BCAR3: variants seen among roughly 807,000 people sequenced by gnomAD.
BCAR3 encodes the protein BCAR3 adaptor protein, NSP family member.
A neutral mutation model predicts 80.1 loss-of-function variants in BCAR3; 37 were observed. That is an observed-to-expected ratio of 0.46 (90% CI 0.36 to 0.61). The LOEUF (loss-of-function observed/expected upper bound fraction) is 0.61. Ranked by LOEUF, BCAR3 falls within the 20% of genes least tolerant of loss-of-function variation. The pLI is 0.00. For missense variants in BCAR3, 978 were observed against 1,068.2 expected (o/e 0.92, Z 1.18); for synonymous variants, 389 against 418.9 (o/e 0.93, Z 0.87).
At chr1:93,571,199 G>A (rs1209244877) in intron 9 of BCAR3, among the ~76,000 whole-genome samples, 3 of 141,812 alleles carry the variant, frequency 2.1e-5, no homozygotes, top group East Asian at 2.1e-4. Context: ...GCGAGACTTC[G>A]TTTAAAAAAA....
At chr1:93,617,865 G>A (rs569853678) in intron 3 of BCAR3, among the ~76,000 whole-genome samples, 11 of 152,312 alleles carry the variant, frequency 7.2e-5, no homozygotes, top group African/African-American at 2.6e-4. Context: ...GAGCAGTGTG[G>A]CAGGTGCCTG....
chr1:93,603,945 A>G (rs1039949900), intron 3 of BCAR3, among the ~76,000 whole-genome samples: 6 of 152,246 alleles, frequency 3.9e-5, no homozygotes, highest in Non-Finnish European at 7.3e-5. Flanking sequence ...AAAAATTTCA[A>G]TAAGTTTTAG....
intron 3 of BCAR3, among the ~76,000 whole-genome samples, chr1:93,694,136 G>A (rs771832151): frequency 4.6e-5 from 7 of 152,192 alleles, no homozygotes; most frequent in African/African-American, 7.2e-5. Flanking sequence ...CTCCACACCT[G>A]GTAGCTTCAG....
chr1:93,566,885 G>T (rs1040594359), intron 11 of BCAR3, among the ~76,000 whole-genome samples: 1 of 152,014 alleles, frequency 6.6e-6, no homozygotes, highest in Non-Finnish European at 1.5e-5. Context: ...ACACCATCAC[G>T]CCCAGCTAAT....
chr1:93,722,831 G>C (rs999759160), intron 2 of BCAR3, among the ~76,000 whole-genome samples: 2 of 152,128 alleles, frequency 1.3e-5, no homozygotes, highest in African/African-American at 4.8e-5. Context: ...CAGGAGCCAA[G>C]GGGGAGGGGA....
chr1:93,582,207 C>T, intron 7 of BCAR3, 94 bp downstream of exon 7: 2 of 1,474,736 alleles, frequency 1.4e-6, no homozygotes, highest in Non-Finnish European at 1.8e-6. Context: ...GGATCCCCTC[C>T]TTCCAAACCT....
rs1031843261 is a variant in BCAR3, at chr1:93,591,179, A to G, written c.486+1086T>C. ...GAAATCTACTACATTAAAAAAAAAA[A>G]AAAAAAAAAAAAAGCCTGGGCACAG... On this transcript the variant is annotated intron_variant, in intron 4 of 11. Transcript: ENST00000260502. Among the ~76,000 whole-genome samples, 11 of 148,804 alleles carry G rather than the reference A, an allele frequency of 7.4e-5. 1 individual carries two copies. Among genetic ancestry groups the G allele is most frequent in the African/African-American group, 2.7e-4 (11 of 40,482 alleles).
Position 93,571,807 on chromosome 1 carries a change from T to C in BCAR3, c.1837A>G (p.Ile613Val), listed in dbSNP as rs1410751012. 2 of 1,613,980 alleles carry C rather than the reference T, an allele frequency of 1.2e-6. No homozygotes were observed. The highest frequency in any genetic ancestry group is 1.3e-5 in the African/African-American group (1 of 74,916). ...TCCAAAGTGCCCGTGCATCCCAGAA[T>C]GTCCACTGCAATGCCGATGGCCATT... Reference protein sequence around the residue: ...NTMAIGIAVDILGCTGTLEDR... With the variant: ...NTMAIGIAVDVLGCTGTLEDR... Residue 613 changes from isoleucine (I) to valine (V), a missense_variant, in exon 9 of 12, where the codon ATT becomes GTT. Coordinates refer to ENST00000260502, the MANE Select transcript of BCAR3 (RefSeq NM_003567.4).
chr1:93,710,787 C>T (rs1004153989), intron 2 of BCAR3, among the ~76,000 whole-genome samples: 1 of 152,230 alleles, frequency 6.6e-6, no homozygotes, highest in Non-Finnish European at 1.5e-5. Context: ...CAAATTACCC[C>T]CAAACCTAGT....
chr1:93,606,721 T>G (rs566339962), intron 3 of BCAR3, among the ~76,000 whole-genome samples: 4 of 152,208 alleles, frequency 2.6e-5, no homozygotes, highest in Admixed American at 2.6e-4. Context: ...ATCCCAACTT[T>G]CACCAAACAG....
intron 2 of BCAR3, among the ~76,000 whole-genome samples, chr1:93,669,949 G>C (rs1207666262): frequency 2.6e-5 from 4 of 152,114 alleles, no homozygotes; most frequent in Non-Finnish European, 5.9e-5. Flanking sequence ...AGAGTGGGAG[G>C]GGAGCGAGGG....
chr1:93,786,995 C>T (rs1045366769), intron 2 of BCAR3, among the ~76,000 whole-genome samples: 1 of 152,212 alleles, frequency 6.6e-6, no homozygotes, highest in African/African-American at 2.4e-5. Context: ...ATTTTTCAGT[C>T]ACTTTCCAGA....
chr1:93,725,922 C>A (rs1228327571), intron 2 of BCAR3, among the ~76,000 whole-genome samples: 1 of 152,150 alleles, frequency 6.6e-6, no homozygotes, highest in African/African-American at 2.4e-5. Context: ...TATTTCTGGG[C>A]TCTCTATTCT....
chr1:93,759,435 C>T (rs1651855861), intron 2 of BCAR3, among the ~76,000 whole-genome samples: 2 of 152,168 alleles, frequency 1.3e-5, no homozygotes, highest in Admixed American at 1.3e-4. Flanking sequence ...GTCTGCCAGA[C>T]AGCACCAGAG....
intron 3 of BCAR3, among the ~76,000 whole-genome samples, chr1:93,637,311 T>C (rs749298431): frequency 1.3e-5 from 2 of 151,998 alleles, no homozygotes; most frequent in Non-Finnish European, 2.9e-5. Context: ...CCTGCCACCA[T>C]GCCCAGCTAA....
At chr1:93,609,536 GCT>G (rs773608783) in intron 3 of BCAR3, among the ~76,000 whole-genome samples, 3 of 152,192 alleles carry the variant, frequency 2.0e-5, no homozygotes, top group Non-Finnish European at 4.4e-5. Context: ...ACAAGTTTCA[GCT>G]CCTTTGTCCC....
intron 2 of BCAR3, among the ~76,000 whole-genome samples, chr1:93,816,203 GAAA>G (rs1028329193): frequency 3.3e-5 from 5 of 152,144 alleles, no homozygotes; most frequent in African/African-American, 9.7e-5. Context: ...TAGCTGCACA[GAAA>G]GCCCACTGTG....
intron 3 of BCAR3, among the ~76,000 whole-genome samples, chr1:93,615,733 G>A (rs1034732282): frequency 2.0e-5 from 3 of 152,180 alleles, no homozygotes; most frequent in African/African-American, 7.2e-5. Flanking sequence ...GGGTAAGTCC[G>A]TGTGAGCAGC....
At chr1:93,810,141 C>T (rs969220205) in intron 2 of BCAR3, among the ~76,000 whole-genome samples, 4 of 146,750 alleles carry the variant, frequency 2.7e-5, no homozygotes, top group African/African-American at 7.7e-5. Context: ...TGCAGTGAGC[C>T]GAGATCATGC....
Sources: allele counts gnomAD v4.1 joint callset (sites outside exome capture counted in the v4.1 genomes callset), GRCh38; gene constraint gnomAD v4.1.1; transcripts MANE v1.5; gene names NCBI Gene and HGNC (gene_info 2026-07-23, HGNC 2026-07-21).